Variants in RGS6 observed in about 807,000 individuals in gnomAD.
RGS6 encodes regulator of G protein signaling 6.
A neutral mutation model predicts 78.5 loss-of-function variants in RGS6; 30 were observed. That is an observed-to-expected ratio of 0.38 (90% CI 0.29 to 0.52). The LOEUF (loss-of-function observed/expected upper bound fraction) is 0.52. Among genes scored for constraint, RGS6 ranks in the 20% least tolerant of loss-of-function variants. The pLI is 0.85. For missense variants in RGS6, 495 were observed against 609.7 expected, an observed-to-expected ratio of 0.81 and a Z score of 1.98; for synonymous variants, 206 against 206.0, an observed-to-expected ratio of 1.00 and a Z score of 0.00.
the RGS6 span, among the ~76,000 whole-genome samples, chr14:72,581,710 C>T: frequency 6.6e-6 from 1 of 152,208 alleles, no homozygotes; most frequent in Non-Finnish European, 1.5e-5. Context: ...AATACTTTCC[C>T]TTCTCCACCT....
At chr14:72,245,855 A>C (rs369429150) in intron 2 of RGS6, among the ~76,000 whole-genome samples, 1 of 152,340 alleles carries the variant, frequency 6.6e-6, no homozygotes, top group Admixed American at 6.5e-5. Context: ...AGCCGAGGAT[A>C]GTCAACTGGG....
chr14:72,602,803 A>T, the RGS6 span, among the ~76,000 whole-genome samples: 1 of 152,252 alleles, frequency 6.6e-6, no homozygotes, highest in Non-Finnish European at 1.5e-5. Flanking sequence ...TAATGATTTT[A>T]TGGCACAACT....
At chr14:72,320,995 G>T (rs1336741824) in intron 2 of RGS6, among the ~76,000 whole-genome samples, 1 of 150,504 alleles carries the variant, frequency 6.6e-6, no homozygotes, top group Non-Finnish European at 1.5e-5. Context: ...ATATATGTTA[G>T]TTTGAAATAT....
intron 2 of RGS6, among the ~76,000 whole-genome samples, chr14:72,321,916 A>G (rs372854273): frequency 1.6e-4 from 25 of 152,128 alleles, no homozygotes; most frequent in African/African-American, 5.8e-4. Flanking sequence ...GACCACACAG[A>G]AAACCTAAAT....
intron 2 of RGS6, among the ~76,000 whole-genome samples, chr14:72,321,446 T>A (rs1475760314): frequency 6.6e-6 from 1 of 151,988 alleles, no homozygotes; most frequent in Non-Finnish European, 1.5e-5. Flanking sequence ...CTTAACCATA[T>A]GCTATACCCC....
chr14:72,491,514 T>C (rs1458131858), intron 12 of RGS6, among the ~76,000 whole-genome samples: 1 of 152,228 alleles, frequency 6.6e-6, no homozygotes, highest in Admixed American at 6.5e-5. Flanking sequence ...TAACAAACTA[T>C]TAATAATTTC....
chr14:72,070,894 T>C (rs1221700338), intron 2 of RGS6, among the ~76,000 whole-genome samples: 2 of 152,214 alleles, frequency 1.3e-5, no homozygotes, highest in Non-Finnish European at 2.9e-5. Flanking sequence ...TACATATGTA[T>C]GTTTTGTGCG....
intron 3 of RGS6, among the ~76,000 whole-genome samples, chr14:72,366,043 C>A (rs2082382117): frequency 6.6e-6 from 1 of 152,102 alleles, no homozygotes; most frequent in African/African-American, 2.4e-5. Flanking sequence ...CCCGGGACTC[C>A]AGGGTCATGA....
chr14:72,567,263 T>TCTGC (rs1303761323), downstream of RGS6, among the ~76,000 whole-genome samples: 1 of 152,140 alleles, frequency 6.6e-6, no homozygotes, highest in Non-Finnish European at 1.5e-5. Context: ...CCCACAGAGT[T>TCTGC]AAGATCAAGT....
chr14:72,117,699 A>G (rs2095935541), intron 2 of RGS6, among the ~76,000 whole-genome samples: 1 of 152,198 alleles, frequency 6.6e-6, no homozygotes, highest in Non-Finnish European at 1.5e-5. Flanking sequence ...CACGATCTAC[A>G]TTTAACTCTG....
At chr14:72,027,602 A>AT (rs2090124515) in intron 2 of RGS6, among the ~76,000 whole-genome samples, 2 of 152,154 alleles carry the variant, frequency 1.3e-5, no homozygotes, top group Non-Finnish European at 2.9e-5. Context: ...GAGGTTGGTC[A>AT]CTTTGTTGCA....
At chr14:72,228,154 A>G (rs1312831245) in intron 2 of RGS6, among the ~76,000 whole-genome samples, 1 of 152,086 alleles carries the variant, frequency 6.6e-6, no homozygotes, top group Non-Finnish European at 1.5e-5. Context: ...CGAGGTGGGT[A>G]GATAACTTGA....
At chr14:72,602,866 T>C in the RGS6 span, among the ~76,000 whole-genome samples, 1 of 152,088 alleles carries the variant, frequency 6.6e-6, no homozygotes, top group Non-Finnish European at 1.5e-5. Context: ...TAGATCCACG[T>C]TGAGAAAGGC....
chr14:72,285,264 C>G (rs1954706772), intron 2 of RGS6, among the ~76,000 whole-genome samples: 1 of 152,042 alleles, frequency 6.6e-6, no homozygotes, highest in Admixed American at 6.6e-5. Flanking sequence ...GGCTGTGTCC[C>G]CACCCAAATC....
At chr14:72,390,048 A>G (rs2089510183) in intron 3 of RGS6, among the ~76,000 whole-genome samples, 1 of 151,884 alleles carries the variant, frequency 6.6e-6, no homozygotes, top group Non-Finnish European at 1.5e-5. Context: ...TTTAAAATAA[A>G]TGAATACCAA....
intron 17 of RGS6, among the ~76,000 whole-genome samples, chr14:72,558,140 A>G (rs2097610211): frequency 6.6e-6 from 1 of 151,910 alleles, no homozygotes; most frequent in Non-Finnish European, 1.5e-5. Flanking sequence ...AATCAATTTC[A>G]TCCTTCTCCC....
At chr14:72,303,043 G>A (rs549624648) in intron 2 of RGS6, among the ~76,000 whole-genome samples, 2 of 152,268 alleles carry the variant, frequency 1.3e-5, no homozygotes, top group South Asian at 4.2e-4. Flanking sequence ...CAGCTATGTG[G>A]AACAGTGAGT....
rs536952106 is a variant in RGS6 at position 72,205,751 on chromosome 14, C to A, written c.85-146344C>A. Among the ~76,000 whole-genome samples, 364 of 152,274 alleles carry A rather than the reference C, an allele frequency of 2.4e-3. 1 individual carries two copies. The highest frequency in any genetic ancestry group is 8.5e-3 in the African/African-American group (354 of 41,572). ...TAAAAATAGTTTACTGGCTAAGGCT[C>A]AGAAAAAAACAAAAATTATTACTGA... is the stretch of plus-strand genomic sequence containing the variant. On this transcript the variant is annotated intron_variant, in intron 2 of 17. Transcript: ENST00000553525.
chr14:72,097,634 G>C (rs1033848643), intron 2 of RGS6, among the ~76,000 whole-genome samples: 11 of 152,128 alleles, frequency 7.2e-5, no homozygotes, highest in Non-Finnish European at 2.9e-5. Context: ...TCACCATTCT[G>C]CACCTTGGGC....
Sources: allele counts gnomAD v4.1 joint callset (sites outside exome capture counted in the v4.1 genomes callset), GRCh38; gene constraint gnomAD v4.1.1; transcripts MANE v1.5; gene names NCBI Gene and HGNC (gene_info 2026-07-23, HGNC 2026-07-21).